Variants in TMEM98 observed in about 807,000 individuals in gnomAD.
TMEM98 encodes the protein transmembrane protein 98.
A neutral mutation model predicts 25.0 loss-of-function variants in TMEM98; 18 were observed. That is an observed-to-expected ratio of 0.72 (90% confidence interval 0.50 to 1.07). The LOEUF (loss-of-function observed/expected upper bound fraction) is 1.07. Among genes scored for constraint, TMEM98 ranks in the 50% least tolerant of loss-of-function variants. The probability of loss-of-function intolerance (pLI) is 0.00; values close to 1 mark genes in which losing one functional copy is unlikely to be tolerated. For synonymous variants in TMEM98, 103 were observed against 112.4 expected (o/e 0.92, Z 0.53); for missense variants, 241 against 289.0 (o/e 0.83, Z 1.20).
intron 1 of TMEM98, chr17:32,930,855 T>C (rs770309273): frequency 6.6e-6 from 1 of 152,224 alleles, no homozygotes; most frequent in Non-Finnish European, 1.5e-5. Context: ...CATGTTTTTA[T>C]GGCTGCGAAA....
chr17:32,931,621 C>T lies in TMEM98; in HGVS notation c.93C>T (p.Tyr31=). 2 of 1,604,532 alleles carry T rather than the reference C, an allele frequency of 1.2e-6. No individual in the cohort carries two copies. The highest frequency in any genetic ancestry group is 1.7e-6 in the Non-Finnish European group (2 of 1,176,050). The change falls in exon 3 of 8, where the codon TAC becomes TAT. Residue 31 remains tyrosine, a synonymous_variant. Transcript: ENST00000579849. ...TGGTGCTGGTTTGCAGGCAGCGCTA[C>T]TGCCGGCCGCGAGACCTGCTGCAGC... The part of the protein sequence containing the change: ...AALVLVCRQR[Y]CRPRDLLQRY...
At chr17:32,930,377 T>A (rs2091461050) in intron 1 of TMEM98, among the ~76,000 whole-genome samples, 1 of 100,496 alleles carries the variant, frequency 1.0e-5, no homozygotes, top group East Asian at 2.2e-4. Context: ...GTGTTCATAC[T>A]AAAAAAATTC....
chr17:32,930,357 G>A (rs1050599949), intron 1 of TMEM98, among the ~76,000 whole-genome samples: 1 of 150,560 alleles, frequency 6.6e-6, no homozygotes, highest in Non-Finnish European at 1.5e-5. Context: ...GTGTGTTTGT[G>A]CCTATCGATG....
In TMEM98 at chr17:32,933,130, G is replaced by A. The variant is rs116522560; in HGVS notation, c.132-44G>A. The A allele has an allele frequency of 1.5e-3, 2,489 of 1,609,306 alleles. 31 individuals are homozygous for A. In the African/African-American group the frequency reaches 0.029, roughly 19 times the overall value. ...CCTCAGTGAGGAGAGGATCAGCAGC[G>A]GTCACCCACCATGAAACCATTTAAC... On this transcript the variant is annotated intron_variant, in intron 3 of 7. Coordinates refer to ENST00000579849, the MANE Select transcript of TMEM98 (RefSeq NM_015544.3).
chr17:32,930,363 C>G (rs1463902988), intron 1 of TMEM98, among the ~76,000 whole-genome samples: 1 of 147,958 alleles, frequency 6.8e-6, no homozygotes, highest in African/African-American at 2.6e-5. Flanking sequence ...TTGTGCCTAT[C>G]GATGTGTTCA....
chr17:32,933,099 T>C (rs749730192), intron 3 of TMEM98, 75 bp from the exon 4 acceptor site: 11 of 1,585,038 alleles, frequency 6.9e-6, no homozygotes, highest in Middle Eastern at 1.7e-4. Flanking sequence ...TTATGGTGTA[T>C]GTGGGCCTCA....
At chr17:32,932,094 A>ATTTT (rs774760952) in intron 3 of TMEM98, among the ~76,000 whole-genome samples, 6 of 118,980 alleles carry the variant, frequency 5.0e-5, no homozygotes, top group African/African-American at 1.0e-4. Flanking sequence ...TGCACAGCAG[A>ATTTT]TTTTTTTTTT....
intron 3 of TMEM98, among the ~76,000 whole-genome samples, chr17:32,932,706 A>G (rs2091476331): frequency 6.6e-6 from 1 of 152,190 alleles, no homozygotes; most frequent in African/African-American, 2.4e-5. Context: ...TAACTAGGAA[A>G]AGGCAGGGAT....
At chr17:32,934,809 G>T (rs2151112524) in intron 5 of TMEM98, among the ~76,000 whole-genome samples, 1 of 152,324 alleles carries the variant, frequency 6.6e-6, no homozygotes, top group Admixed American at 6.5e-5. Context: ...GACAATCAGT[G>T]TTAAAAAACC....
Position 32,940,852 on chromosome 17 carries a change from G to A in TMEM98, c.540G>A (p.Thr180=), listed in dbSNP as rs759666021. 1.9e-6 allele frequency: 3 copies of A among 1,614,140 alleles called. No homozygotes were observed. ...TGACAAGGAATGCCTGCCATCTGAC[G>A]GGAGGCCTGGACTGGATTGACCAGT... ...VLVTRNACHL[T]GGLDWIDQSL... The change falls in exon 8 of 8, where the codon ACG becomes ACA. Residue 180 remains threonine (T), a synonymous_variant. Transcript: ENST00000579849.
chr17:32,933,509 G>C (rs1262675941), intron 4 of TMEM98, among the ~76,000 whole-genome samples: 2 of 152,182 alleles, frequency 1.3e-5, no homozygotes, highest in Admixed American at 6.5e-5. Context: ...TTGTAGACCT[G>C]AACACTGCGG....
chr17:32,932,291 G>T lies in TMEM98; in HGVS notation c.131+632G>T, dbSNP rs531855794. Among the ~76,000 whole-genome samples, 9 of 151,912 alleles carry T rather than the reference G, an allele frequency of 5.9e-5. 1 individual carries two copies. In the South Asian group the frequency reaches 1.9e-3, roughly 32 times the overall value. On this transcript the variant is annotated intron_variant, in intron 3 of 7. Transcript: ENST00000579849. ...AATTTTTGTATTTTTAGTAGAGACG[G>T]GGTTTCACCATGTTGGCCAGGCTGG... is the stretch of plus-strand genomic sequence containing the variant.
At chr17:32,936,227 C>G in intron 5 of TMEM98, 105 bp from the exon 6 acceptor site, 1 of 862,288 alleles carries the variant, frequency 1.2e-6, no homozygotes, top group Non-Finnish European at 1.8e-6. Flanking sequence ...AGGTTGGGGG[C>G]CAGCTGCGAT....
At chr17:32,934,875 T>A (rs957848574) in intron 5 of TMEM98, among the ~76,000 whole-genome samples, 3 of 152,256 alleles carry the variant, frequency 2.0e-5, no homozygotes, top group Admixed American at 6.5e-5. Flanking sequence ...AAGCCTGGAA[T>A]CTTTGAAAAA....
At chr17:32,940,618 T>A (rs1444769766) in intron 7 of TMEM98, among the ~76,000 whole-genome samples, 168 bp from the exon 8 acceptor site, 1 of 152,214 alleles carries the variant, frequency 6.6e-6, no homozygotes, top group Non-Finnish European at 1.5e-5. Context: ...CCCAGCCATC[T>A]CCAAATTTAT....
At chr17:32,940,396 T>TTG (rs1162582256) in intron 7 of TMEM98, among the ~76,000 whole-genome samples, 1 of 152,172 alleles carries the variant, frequency 6.6e-6, no homozygotes, top group East Asian at 1.9e-4. Context: ...TATGTTTCAG[T>TTG]GGGCAGCGGT....
In TMEM98 at chr17:32,941,714, G is replaced by C. The variant is rs1386169864; in HGVS notation, c.*721G>C. 6.6e-6 allele frequency: 1 copy of C among 152,206 alleles called. No individual in the cohort carries two copies. The highest frequency in any genetic ancestry group is 2.4e-5 in the African/African-American group (1 of 41,450). 9.4% of individuals were successfully genotyped at this position (152,206 alleles called of 1,614,324 possible). A position where few individuals can be genotyped will look rare whatever the true frequency, so the allele number is the denominator to read the frequency against. On this transcript the variant is annotated 3_prime_UTR_variant, in exon 8 of 8. Transcript: ENST00000579849. ...TGTGGGACATACTTAGATGGAAGGA[G>C]AGAGCCTAAGAATCCTGAGGATGAT...
intron 5 of TMEM98, among the ~76,000 whole-genome samples, chr17:32,935,365 C>G (rs927899954): frequency 2.0e-5 from 3 of 152,060 alleles, no homozygotes; most frequent in African/African-American, 7.2e-5. Flanking sequence ...CAAGATGTGT[C>G]CTGGGCCTGG....
In TMEM98 at chr17:32,943,249, C is replaced by G. The variant is rs2091539631; in HGVS notation, c.*2256C>G. The G allele has an allele frequency of 6.6e-6, 1 of 152,274 alleles. No individual in the cohort carries two copies. The highest frequency in any genetic ancestry group is 1.5e-5 in the Non-Finnish European group (1 of 68,206). 9.4% of individuals were successfully genotyped at this position (152,274 alleles called of 1,614,324 possible). A position where few individuals can be genotyped will look rare whatever the true frequency, so the allele number is the denominator to read the frequency against. On this transcript the variant is annotated 3_prime_UTR_variant, in exon 8 of 8. Coordinates refer to ENST00000579849, the MANE Select transcript of TMEM98 (RefSeq NM_015544.3). ...TTTCTAGTGCTGGACAAGTAAGAAG[C>G]CTCTGGATAAATTTGGTGTTGGTGG...
Sources: allele counts gnomAD v4.1 joint callset (sites outside exome capture counted in the v4.1 genomes callset), GRCh38; gene constraint gnomAD v4.1.1; transcripts MANE v1.5; gene names NCBI Gene and HGNC (gene_info 2026-07-23, HGNC 2026-07-21).